MOSMO: variants seen among roughly 807,000 people sequenced by gnomAD.
MOSMO encodes modulator of smoothened.
MOSMO carries 5 observed loss-of-function variants against 18.4 expected under a neutral mutation model. The ratio of observed to expected loss-of-function variants is 0.27; its 90% CI spans 0.14 to 0.57. MOSMO has a LOEUF of 0.57. MOSMO is among the 20% of genes least tolerant of loss of function. The pLI is 0.92. For synonymous variants in MOSMO, 82 were observed against 82.3 expected, an observed-to-expected ratio of 1.00 and a Z score of 0.02; for missense variants, 138 against 211.8, an observed-to-expected ratio of 0.65 and a Z score of 2.16.
intron 2 of MOSMO, chr16:22,076,482 A>G (rs891700609): frequency 6.6e-6 from 1 of 152,204 alleles, no homozygotes; most frequent in Non-Finnish European, 1.5e-5. Flanking sequence ...CTACAAATAC[A>G]TAGGACAGCC....
intron 1 of MOSMO, among the ~76,000 whole-genome samples, chr16:22,038,758 AG>A (rs1233816794): frequency 1.3e-5 from 2 of 152,206 alleles, no homozygotes; most frequent in Non-Finnish European, 2.9e-5. Flanking sequence ...GGTTGTATTG[AG>A]GGGCTAGTTG....
chr16:22,037,970 T>TA (rs1226691133), intron 1 of MOSMO, among the ~76,000 whole-genome samples: 1 of 152,204 alleles, frequency 6.6e-6, no homozygotes, highest in Non-Finnish European at 1.5e-5. Flanking sequence ...CCCTCTCCCT[T>TA]ACCTGGATGT....
chr16:22,024,654 T>C (rs370451319), intron 1 of MOSMO, among the ~76,000 whole-genome samples: 8 of 152,168 alleles, frequency 5.3e-5, no homozygotes, highest in African/African-American at 1.4e-4. Context: ...CATGAGCCAC[T>C]GCGCCTGGCC....
At chr16:22,021,423 A>C (rs1899759921) in intron 1 of MOSMO, among the ~76,000 whole-genome samples, 1 of 152,092 alleles carries the variant, frequency 6.6e-6, no homozygotes, top group African/African-American at 2.4e-5. Context: ...GTCCCCCTTC[A>C]TCTTCATGAA....
chr16:22,017,797 A>G (rs1244221038), intron 1 of MOSMO, among the ~76,000 whole-genome samples: 1 of 152,182 alleles, frequency 6.6e-6, no homozygotes, highest in Non-Finnish European at 1.5e-5. Flanking sequence ...TTAACTGCAA[A>G]TTACACGGAG....
chr16:22,011,672 G>GT (rs202073259), intron 1 of MOSMO, among the ~76,000 whole-genome samples: 2,639 of 151,772 alleles, frequency 0.017, 74 homozygotes, highest in African/African-American at 0.059. Flanking sequence ...GGAAGTGATT[G>GT]TTTTTTTTCT....
chr16:22,009,244 A>T (rs967287636), intron 1 of MOSMO, among the ~76,000 whole-genome samples: 6 of 152,208 alleles, frequency 3.9e-5, no homozygotes, highest in Non-Finnish European at 7.3e-5. Flanking sequence ...GCGCATCACA[A>T]AAACGCTGGA....
chr16:22,053,121 AT>A (rs1211942784), intron 1 of MOSMO, among the ~76,000 whole-genome samples: 166 of 142,424 alleles, frequency 1.2e-3, no homozygotes, highest in Middle Eastern at 3.6e-3. Flanking sequence ...CGCCCAGCTA[AT>A]TTTTTTTTTT....
chr16:22,067,542 C>T (rs1290480634), intron 1 of MOSMO, among the ~76,000 whole-genome samples: 1 of 152,052 alleles, frequency 6.6e-6, no homozygotes, highest in African/African-American at 2.4e-5. Flanking sequence ...CAGGGAACAG[C>T]GGGACATGTT....
chr16:22,062,687 A>G (rs967529595), intron 1 of MOSMO, among the ~76,000 whole-genome samples: 4 of 152,172 alleles, frequency 2.6e-5, no homozygotes, highest in African/African-American at 9.7e-5. Flanking sequence ...ACATCTATCA[A>G]GTTCTTACTC....
intron 1 of MOSMO, among the ~76,000 whole-genome samples, chr16:22,014,221 G>C (rs1224602882): frequency 6.6e-6 from 1 of 152,116 alleles, no homozygotes; most frequent in East Asian, 1.9e-4. Context: ...GTCAGTCCTT[G>C]TGACCTGACA....
Position 22,083,376 on chromosome 16 carries a change from C to G in MOSMO, c.*2496C>G, listed in dbSNP as rs1308002216. 6 of 202,530 alleles carry G rather than the reference C, an allele frequency of 3.0e-5. No individual in the cohort carries two copies. The highest frequency in any genetic ancestry group is 8.0e-5 in the South Asian group (1 of 12,526). 12.5% of individuals were successfully genotyped at this position (202,530 alleles called of 1,614,324 possible). Reference sequence around the variant, plus strand: ...CAGGGCTGATGGGGGAAAACTCCCTCTAGCCAGTCAGCACTCTAACCCAGG... The same window carrying G: ...CAGGGCTGATGGGGGAAAACTCCCTGTAGCCAGTCAGCACTCTAACCCAGG... On this transcript the variant is annotated 3_prime_UTR_variant, in exon 3 of 3. Transcript: ENST00000542527.
chr16:22,034,659 T>C (rs1900065319), intron 1 of MOSMO, among the ~76,000 whole-genome samples: 1 of 151,846 alleles, frequency 6.6e-6, no homozygotes, highest in Non-Finnish European at 1.5e-5. Context: ...TTTCTACAAT[T>C]TGAATATGAT....
rs567506546 is a variant in MOSMO at position 22,083,068 on chromosome 16, G to C, written c.*2188G>C. Reference sequence around the variant, plus strand: ...CACCGTTATATACCACTGAGATAAAGTGTTAGCAAAGTATGGTTCAAATTA... The same window carrying C: ...CACCGTTATATACCACTGAGATAAACTGTTAGCAAAGTATGGTTCAAATTA... On this transcript the variant is annotated 3_prime_UTR_variant, in exon 3 of 3. Transcript: ENST00000542527. 6.6e-6 allele frequency: 1 copy of C among 152,302 alleles called. No individual in the cohort carries two copies. 9.4% of individuals were successfully genotyped at this position (152,302 alleles called of 1,614,324 possible).
intron 1 of MOSMO, among the ~76,000 whole-genome samples, chr16:22,071,546 G>A (rs1598024083): frequency 6.6e-6 from 1 of 152,204 alleles, no homozygotes; most frequent in East Asian, 1.9e-4. Context: ...CGTTTTAACA[G>A]TGTCTGGATT....
chr16:22,050,887 G>GAAAAAAAAAAA (rs34532029), intron 1 of MOSMO, among the ~76,000 whole-genome samples: 24 of 70,478 alleles, frequency 3.4e-4, no homozygotes, highest in East Asian at 9.1e-4. Flanking sequence ...TGTCTCTTAA[G>GAAAAAAAAAAA]AAAAAAAAAA....
In MOSMO at chr16:22,008,414, C is replaced by A. The variant is rs750498838; in HGVS notation, c.106+7C>A. The A allele has an allele frequency of 7.2e-5, 92 of 1,271,522 alleles. No homozygotes were observed. Among genetic ancestry groups the A allele is most frequent in the Non-Finnish European group, 7.9e-5 (78 of 988,370 alleles). The allele number at this position is 1,271,522 out of a possible 1,614,324, so 78.8% of individuals were successfully genotyped here. A position where few individuals can be genotyped will look rare whatever the true frequency, so the allele number is the denominator to read the frequency against. On this transcript the variant is annotated splice_region_variant and intron_variant, in intron 1 of 2. Coordinates refer to ENST00000542527, the MANE Select transcript of MOSMO (RefSeq NM_001164579.2). ...AACACCGGGGAGTCTGCGGGTGAGC[C>A]GCTGGCGCGCCGGGCCGGGCGGGGG... is the stretch of plus-strand genomic sequence containing the variant.
intron 1 of MOSMO, among the ~76,000 whole-genome samples, chr16:22,027,464 C>A (rs1238498128): frequency 2.0e-5 from 3 of 152,194 alleles, no homozygotes; most frequent in South Asian, 2.1e-4. Context: ...TGTCATTTAG[C>A]CTGTTACTGA....
intron 1 of MOSMO, among the ~76,000 whole-genome samples, chr16:22,054,091 C>CT (rs5816167): frequency 5.9e-4 from 87 of 147,332 alleles, no homozygotes; most frequent in East Asian, 4.6e-3. Flanking sequence ...AAAGAAGACA[C>CT]TTTTTTTTTT....
Sources: allele counts gnomAD v4.1 joint callset (sites outside exome capture counted in the v4.1 genomes callset), GRCh38; gene constraint gnomAD v4.1.1; transcripts MANE v1.5; gene names NCBI Gene and HGNC (gene_info 2026-07-23, HGNC 2026-07-21).